AVL9: variants seen among roughly 807,000 people sequenced by gnomAD.
AVL9 encodes the protein AVL9 cell migration associated.
A neutral mutation model predicts 79.2 loss-of-function variants in AVL9; 49 were observed. The ratio of observed to expected loss-of-function variants is 0.62; its 90% confidence interval spans 0.49 to 0.79. AVL9 has a LOEUF of 0.79. AVL9 is among the 30% of genes least tolerant of loss of function. The pLI, the probability that AVL9 is intolerant of heterozygous loss-of-function variation, is 0.00. For synonymous variants in AVL9, 299 were observed against 280.6 expected (o/e 1.07, Z -0.65); for missense variants, 682 against 776.8 (o/e 0.88, Z 1.45).
chr7:32,557,842 T>C (rs980276935), intron 8 of AVL9, among the ~76,000 whole-genome samples: 37 of 129,298 alleles, frequency 2.9e-4, no homozygotes, highest in African/African-American at 1.0e-3. Flanking sequence ...CTATGTTTAT[T>C]AGCTGTTACT....
In AVL9 at chr7:32,586,160, A is replaced by C. The variant is rs1791767062; in HGVS notation, c.*2253A>C. ...CACTGAAATAAAAATAGTTACATGA[A>C]GTTTAACTTTGCTTTAATATCACTT... is the stretch of plus-strand genomic sequence containing the variant. On this transcript the variant is annotated 3_prime_UTR_variant, in exon 16 of 16. Transcript: ENST00000318709. 1 of 152,208 alleles carries C rather than the reference A, an allele frequency of 6.6e-6. No individual in the cohort carries two copies. Among genetic ancestry groups the C allele is most frequent in the Admixed American group, 6.5e-5 (1 of 15,274 alleles). The allele number at this position is 152,208 out of a possible 1,614,324, so 9.4% of individuals were successfully genotyped here. A position where few individuals can be genotyped will look rare whatever the true frequency, so the allele number is the denominator to read the frequency against.
chr7:32,530,121 A>G (rs1308100857), intron 1 of AVL9, among the ~76,000 whole-genome samples: 1 of 152,172 alleles, frequency 6.6e-6, no homozygotes, highest in African/African-American at 2.4e-5. Flanking sequence ...TAAGTTTATA[A>G]AAGTTGGAAT....
chr7:32,575,223 C>T (rs1791035095), intron 12 of AVL9, among the ~76,000 whole-genome samples: 1 of 152,062 alleles, frequency 6.6e-6, no homozygotes, highest in Non-Finnish European at 1.5e-5. Flanking sequence ...CTCAGCCTCC[C>T]GAGTAGCTGG....
intron 1 of AVL9, among the ~76,000 whole-genome samples, chr7:32,512,945 T>G (rs74412731): frequency 5.6e-3 from 568 of 100,890 alleles, no homozygotes; most frequent in Non-Finnish European, 0.01. Flanking sequence ...TTCCCCTGAA[T>G]TTGTGTATGG....
At chr7:32,512,409 C>G (rs895143470) in intron 1 of AVL9, among the ~76,000 whole-genome samples, 1 of 152,122 alleles carries the variant, frequency 6.6e-6, no homozygotes, top group East Asian at 1.9e-4. Context: ...GTTATTTTAT[C>G]GATGAGGACA....
intron 14 of AVL9, 67 bp from the exon 15 acceptor site, chr7:32,580,735 C>T (rs537097520): frequency 2.9e-6 from 3 of 1,040,016 alleles, no homozygotes; most frequent in Admixed American, 1.9e-5. Context: ...CTATATGTGT[C>T]TGTGTGCGTG....
At chr7:32,561,475 C>G (rs551805314) in intron 10 of AVL9, among the ~76,000 whole-genome samples, 1 of 152,196 alleles carries the variant, frequency 6.6e-6, no homozygotes, top group Non-Finnish European at 1.5e-5. Flanking sequence ...GCTCTCTCAG[C>G]TTTCATATAA....
In AVL9 at chr7:32,568,206, T is replaced by TTTA. The variant is rs1165920368; in HGVS notation, c.1216-1812_1216-1811insATT. Among the ~76,000 whole-genome samples the TTTA allele has an allele frequency of 4.2e-3, 315 of 75,006 alleles. 1 individual carries two copies. The highest frequency in any genetic ancestry group is 0.026 in the African/African-American group (303 of 11,850). The allele number at this position is 75,006 out of a possible 152,430, so 49.2% of individuals were successfully genotyped here. ...TACATCATATTCTTTTATTTATTTA[T>TTTA]TTTTTTTTTTTTGAGATGGAGTCTT... On this transcript the variant is annotated intron_variant, in intron 10 of 15. Coordinates refer to ENST00000318709, the MANE Select transcript of AVL9 (RefSeq NM_015060.3).
intron 12 of AVL9, among the ~76,000 whole-genome samples, chr7:32,574,565 A>G (rs1298672195): frequency 6.6e-6 from 1 of 152,202 alleles, no homozygotes; most frequent in Non-Finnish European, 1.5e-5. Flanking sequence ...AGCACTGAAT[A>G]ATAGTAGCTC....
intron 1 of AVL9, among the ~76,000 whole-genome samples, chr7:32,508,202 A>C (rs1787495312): frequency 6.6e-6 from 1 of 152,132 alleles, no homozygotes. Context: ...TCTTTTTTAC[A>C]CCATAATTGA....
intron 1 of AVL9, 110 bp from the exon 2 acceptor site, chr7:32,543,031 G>T (rs1789289136): frequency 4.4e-6 from 6 of 1,375,804 alleles, no homozygotes; most frequent in Non-Finnish European, 6.0e-6. Flanking sequence ...ATTATACAGT[G>T]TGGCTTATCC....
In AVL9 at chr7:32,559,291, G is replaced by C. The variant is rs1253990541; in HGVS notation, c.1042G>C (p.Glu348Gln). 10 of 1,614,140 alleles carry C rather than the reference G, an allele frequency of 6.2e-6. No individual in the cohort carries two copies. Among genetic ancestry groups the C allele is most frequent in the Non-Finnish European group, 8.5e-6 (10 of 1,180,022 alleles). The change falls in exon 10 of 16, where the codon GAA (glutamate) becomes CAA (glutamine). Residue 348 changes from glutamate (E) to glutamine (Q), a missense_variant. Transcript: ENST00000318709. ...AGAGGACCCCAACTTGAAAGAAAGG[G>C]AACAGCTGGGATCAGACCAGACAAA... ...VLEDPNLKER[E>Q]QLGSDQTNLF... is the part of the protein sequence containing the mutation.
intron 1 of AVL9, among the ~76,000 whole-genome samples, chr7:32,518,690 G>A (rs7805311): frequency 0.35 from 53,239 of 151,900 alleles, 9,656 homozygotes; most frequent in East Asian, 0.48. Context: ...GGTTGTTTAA[G>A]AAAGAAGGAT....
intron 15 of AVL9, chr7:32,581,385 C>G (rs986974399): frequency 2.0e-5 from 3 of 152,402 alleles, no homozygotes; most frequent in Admixed American, 2.0e-4. Flanking sequence ...TACTGTAGCT[C>G]TTACAGAAAT....
chr7:32,550,370 G>GT (rs1265514020), intron 4 of AVL9, among the ~76,000 whole-genome samples: 1 of 150,916 alleles, frequency 6.6e-6, no homozygotes, highest in East Asian at 1.9e-4. Flanking sequence ...TAAAATTGGG[G>GT]TAAAAAAATC....
chr7:32,555,910 A>T (rs1790033947), intron 8 of AVL9, among the ~76,000 whole-genome samples: 2 of 152,204 alleles, frequency 1.3e-5, no homozygotes, highest in African/African-American at 4.8e-5. Context: ...ATTGGACACA[A>T]AGCTCTAAGA....
intron 10 of AVL9, among the ~76,000 whole-genome samples, chr7:32,564,229 T>C (rs1180245018): frequency 6.6e-6 from 1 of 152,266 alleles, no homozygotes; most frequent in Non-Finnish European, 1.5e-5. Flanking sequence ...AAATACGTGA[T>C]GGGCTTACTA....
At chr7:32,573,478 A>G in intron 12 of AVL9, 60 bp downstream of exon 12, 1 of 1,453,020 alleles carries the variant, frequency 6.9e-7, no homozygotes, top group South Asian at 1.2e-5. Flanking sequence ...ATTTTGTAAC[A>G]TTTATGAGAT....
At chr7:32,560,691 C>T in intron 10 of AVL9, among the ~76,000 whole-genome samples, 1 of 152,200 alleles carries the variant, frequency 6.6e-6, no homozygotes, top group East Asian at 1.9e-4. Context: ...TTAATGGCAT[C>T]TAGAGTAATG....
Sources: allele counts gnomAD v4.1 joint callset (sites outside exome capture counted in the v4.1 genomes callset), GRCh38; gene constraint gnomAD v4.1.1; transcripts MANE v1.5; gene names NCBI Gene and HGNC (gene_info 2026-07-23, HGNC 2026-07-21).